IGF2BP3: variants seen among roughly 807,000 people sequenced by gnomAD.
IGF2BP3 encodes the protein insulin-like growth factor 2 mRNA-binding protein 3.
In IGF2BP3, 9 loss-of-function variants were observed where a neutral mutation model predicts 73.8. The observed-to-expected ratio is 0.12, with a 90% confidence interval of 0.07 to 0.21. The LOEUF (loss-of-function observed/expected upper bound fraction) is 0.21. Ranked by LOEUF, IGF2BP3 falls within the 10% of genes least tolerant of loss-of-function variation. IGF2BP3 has a pLI of 1.00. For synonymous variants in IGF2BP3, 258 were observed against 256.7 expected (o/e 1.01, Z -0.05); for missense variants, 542 against 714.0 (o/e 0.76, Z 2.75).
chr7:23,372,150 C>T (rs377142643), intron 3 of IGF2BP3, among the ~76,000 whole-genome samples: 4 of 151,808 alleles, frequency 2.6e-5, no homozygotes, highest in South Asian at 2.1e-4. Flanking sequence ...CTTGGCTCAC[C>T]GCAACCTCCG....
At chr7:23,376,000 G>T (rs1342714820) in intron 3 of IGF2BP3, among the ~76,000 whole-genome samples, 1 of 152,156 alleles carries the variant, frequency 6.6e-6, no homozygotes, top group Non-Finnish European at 1.5e-5. Flanking sequence ...AATTTAGCAT[G>T]AGCAGTTCTC....
intron 5 of IGF2BP3, among the ~76,000 whole-genome samples, chr7:23,354,038 G>T (rs545566035): frequency 6.6e-6 from 1 of 152,254 alleles, no homozygotes; most frequent in African/African-American, 2.4e-5. Context: ...TTGTTGCCCA[G>T]GCTGGAGCAC....
intron 3 of IGF2BP3, among the ~76,000 whole-genome samples, chr7:23,409,894 T>A (rs1477561533): frequency 6.6e-6 from 1 of 152,166 alleles, no homozygotes; most frequent in Non-Finnish European, 1.5e-5. Flanking sequence ...TTTGGCCAGG[T>A]GCGATGGCTC....
intron 2 of IGF2BP3, among the ~76,000 whole-genome samples, chr7:23,461,575 T>C (rs892260969): frequency 2.0e-5 from 3 of 152,226 alleles, no homozygotes; most frequent in Admixed American, 6.5e-5. Flanking sequence ...TTCACTTTTC[T>C]GATACTCCTC....
intron 3 of IGF2BP3, among the ~76,000 whole-genome samples, chr7:23,410,741 G>C (rs1786992296): frequency 6.6e-6 from 1 of 152,114 alleles, no homozygotes; most frequent in African/African-American, 2.4e-5. Context: ...GTTTCTATTG[G>C]CTTCACTGTC....
At chr7:23,429,284 G>C (rs1787607354) in intron 2 of IGF2BP3, among the ~76,000 whole-genome samples, 1 of 152,102 alleles carries the variant, frequency 6.6e-6, no homozygotes, top group South Asian at 2.1e-4. Context: ...TAAAAAATCT[G>C]ACAAAAGATA....
In IGF2BP3 at chr7:23,440,512, T is replaced by C. The variant is rs183120037; in HGVS notation, c.237-21688A>G. 3.3e-5 allele frequency among the ~76,000 whole-genome samples: 5 copies of C among 152,360 alleles called. No individual in the cohort carries two copies. The East Asian group carries it at 7.7e-4, about 24-fold the overall frequency. The stretch of plus-strand genomic sequence containing the variant: ...ACAATCTGTATAGGGTATTACACTT[T>C]AGTGGGATGGGCCTTAACACCTTGT... On this transcript the variant is annotated intron_variant, in intron 2 of 14. Coordinates refer to ENST00000258729, the MANE Select transcript of IGF2BP3 (RefSeq NM_006547.3).
intron 2 of IGF2BP3, among the ~76,000 whole-genome samples, chr7:23,466,377 C>G (rs1212478625): frequency 6.6e-6 from 1 of 152,180 alleles, no homozygotes; most frequent in African/African-American, 2.4e-5. Context: ...ATTGTTCTAT[C>G]AGTAAAAACA....
chr7:23,352,851 C>G (rs1785001002), intron 5 of IGF2BP3, among the ~76,000 whole-genome samples: 1 of 152,002 alleles, frequency 6.6e-6, no homozygotes, highest in South Asian at 2.1e-4. Flanking sequence ...TGTATTTTCT[C>G]ATATCTGGAA....
intron 6 of IGF2BP3, among the ~76,000 whole-genome samples, 170 bp downstream of exon 6, chr7:23,351,135 T>C (rs1373484105): frequency 6.6e-6 from 1 of 152,180 alleles, no homozygotes; most frequent in African/African-American, 2.4e-5. Flanking sequence ...GCTCCAGATT[T>C]ATATGAAATG....
At chr7:23,341,284 AAC>A (rs561137760) in intron 10 of IGF2BP3, among the ~76,000 whole-genome samples, 132 of 152,320 alleles carry the variant, frequency 8.7e-4, no homozygotes, top group Non-Finnish European at 1.4e-3. Context: ...CAACATGGAA[AAC>A]ACACAGAGTC....
chr7:23,455,846 C>G (rs561209519), intron 2 of IGF2BP3, among the ~76,000 whole-genome samples: 1 of 152,122 alleles, frequency 6.6e-6, no homozygotes, highest in Admixed American at 6.5e-5. Context: ...CCACAACGCC[C>G]GGATAATTTT....
chr7:23,331,114 A>G (rs1257816767), intron 10 of IGF2BP3, among the ~76,000 whole-genome samples: 5 of 152,160 alleles, frequency 3.3e-5, no homozygotes, highest in Non-Finnish European at 5.9e-5. Context: ...ATTTTTCATA[A>G]AAGTGAAAGG....
chr7:23,327,347 C>G (rs971468273), intron 10 of IGF2BP3, among the ~76,000 whole-genome samples: 4 of 146,280 alleles, frequency 2.7e-5, no homozygotes, highest in South Asian at 4.3e-4. Context: ...GTGGCGCAAT[C>G]TCGGCTCACT....
intron 2 of IGF2BP3, among the ~76,000 whole-genome samples, chr7:23,465,376 T>C (rs1031680531): frequency 6.6e-6 from 1 of 152,194 alleles, no homozygotes; most frequent in Non-Finnish European, 1.5e-5. Context: ...GACTTCAATG[T>C]CTGTAAAGTA....
chr7:23,371,003 A>G (rs188751001), intron 3 of IGF2BP3, among the ~76,000 whole-genome samples: 13 of 152,294 alleles, frequency 8.5e-5, no homozygotes, highest in Admixed American at 5.9e-4. Context: ...TTAAAAGTCC[A>G]TAATAATATA....
chr7:23,361,068 C>T (rs1304619178), intron 5 of IGF2BP3, among the ~76,000 whole-genome samples: 2 of 152,152 alleles, frequency 1.3e-5, no homozygotes, highest in Admixed American at 6.6e-5. Flanking sequence ...TTACATTAAT[C>T]CAATGTCTGC....
At chr7:23,344,870 T>C (rs767643690) in intron 8 of IGF2BP3, among the ~76,000 whole-genome samples, 4 of 152,272 alleles carry the variant, frequency 2.6e-5, no homozygotes, top group African/African-American at 4.8e-5. Context: ...TCTATAATTC[T>C]AATTCAGTCT....
chr7:23,465,598 CCT>C (rs1173842214), intron 2 of IGF2BP3, among the ~76,000 whole-genome samples: 2 of 152,212 alleles, frequency 1.3e-5, no homozygotes, highest in African/African-American at 2.4e-5. Flanking sequence ...GGCCTGCTCC[CCT>C]GTTTAGTCAG....
Sources: gnomAD v4.1 joint callset for allele counts (sites outside exome capture counted in the v4.1 genomes callset) on GRCh38, gnomAD v4.1.1 for gene constraint, MANE v1.5 for transcripts, NCBI Gene and HGNC (gene_info 2026-07-23, HGNC 2026-07-21) for gene names.